The following CEP290 variants were observed in gnomAD, a reference collection of about 807,000 sequenced individuals.
The protein encoded by CEP290 is centrosomal protein of 290 kDa.
Under a neutral mutation model 344.9 loss-of-function variants are expected in CEP290, and 317 were observed. The ratio of observed to expected loss-of-function variants is 0.92; its 90% CI spans 0.84 to 1.01. CEP290 has a LOEUF of 1.01. CEP290 is among the 50% of genes least tolerant of loss of function. CEP290 has a pLI of 0.00. For synonymous variants in CEP290, 932 were observed against 895.8 expected, an observed-to-expected ratio of 1.04 and a Z score of -0.72; for missense variants, 2,754 against 2,761.4, an observed-to-expected ratio of 1.00 and a Z score of 0.06.
At chr12:88,085,852 G>A (rs2036537165) in intron 34 of CEP290, among the ~76,000 whole-genome samples, 187 bp downstream of exon 34, 1 of 151,974 alleles carries the variant, frequency 6.6e-6, no homozygotes. Context: ...ATTAAATAGT[G>A]AATTCAAATT....
intron 41 of CEP290, 100 bp from the exon 42 acceptor site, chr12:88,072,026 TA>T: frequency 1.8e-6 from 2 of 1,086,782 alleles, no homozygotes; most frequent in South Asian, 1.9e-5. Context: ...TGTAAACTAA[TA>T]TTTCCTAGAG....
Position 88,090,917 on chromosome 12 carries a change from C to G in CEP290, c.3462-78G>C. On this transcript the variant is annotated intron_variant, in intron 29 of 53. Coordinates refer to ENST00000552810, the MANE Select transcript of CEP290 (RefSeq NM_025114.4). ...TGCCAAAATTCAAAATTTCTAGACC[C>G]TTTTTCAAAAAGCCATTCGTTTTCA... 3 of 798,644 alleles carry G rather than the reference C, an allele frequency of 3.8e-6. No individual in the cohort carries two copies. The South Asian group carries it at 5.5e-5, about 15-fold the overall frequency. The allele number at this position is 798,644 out of a possible 1,614,324, so 49.5% of individuals were successfully genotyped here.
intron 47 of CEP290, 77 bp from the exon 48 acceptor site, chr12:88,060,097 A>G (rs1315364106): frequency 1.2e-5 from 15 of 1,224,370 alleles, no homozygotes; most frequent in Non-Finnish European, 1.7e-5. Flanking sequence ...TAAACTCATA[A>G]ATCTTCAAAG....
chr12:88,098,101 G>A (rs931727260), intron 26 of CEP290, among the ~76,000 whole-genome samples: 1 of 151,760 alleles, frequency 6.6e-6, no homozygotes. Context: ...GAGGTCAGGA[G>A]TTCGAGACAA....
At chr12:88,073,972 T>C (rs1181435669) in intron 41 of CEP290, among the ~76,000 whole-genome samples, 1 of 152,034 alleles carries the variant, frequency 6.6e-6, no homozygotes, top group African/African-American at 2.4e-5. Context: ...ATACCTGTAA[T>C]CCAGCACTTT....
chr12:88,049,507 A>C (rs2033269678), intron 53 of CEP290, 93 bp from the exon 54 acceptor site: 1 of 707,664 alleles, frequency 1.4e-6, no homozygotes, highest in East Asian at 2.7e-5. Context: ...TGAAAGCCAA[A>C]GTATTCCTGA....
chr12:88,092,321 T>C (rs1328747392), intron 29 of CEP290, among the ~76,000 whole-genome samples: 1 of 152,156 alleles, frequency 6.6e-6, no homozygotes, highest in Non-Finnish European at 1.5e-5. Flanking sequence ...GAAGAGGTAC[T>C]ATTACTCCCT....
chr12:88,120,786 C>T (rs1471861002), intron 14 of CEP290, among the ~76,000 whole-genome samples: 6 of 152,070 alleles, frequency 3.9e-5, no homozygotes, highest in Non-Finnish European at 7.4e-5. Flanking sequence ...ATTATTTGGA[C>T]AAATCACTGT....
At chr12:88,124,022 G>A (rs867218210) in intron 13 of CEP290, among the ~76,000 whole-genome samples, 1 of 151,972 alleles carries the variant, frequency 6.6e-6, no homozygotes, top group African/African-American at 2.4e-5. Flanking sequence ...CTACCACCAT[G>A]CCCCAAACCA....
chr12:88,080,267 GCTT>G lies in CEP290; in HGVS notation c.5138_5140del (p.Glu1713del). Reference sequence around the variant, plus strand: ...TGTAGTTGTTGGAGCTCTTGAATTTGCTTCTTTTTGAGCCTGAAGTTCAGATTT... The same window carrying G: ...TGTAGTTGTTGGAGCTCTTGAATTTGCTTTTTGAGCCTGAAGTTCAGATTT... On this transcript the variant is annotated inframe_deletion, in exon 38 of 54. Coordinates refer to ENST00000552810, the MANE Select transcript of CEP290 (RefSeq NM_025114.4). 1 of 1,613,376 alleles carries G rather than the reference GCTT, an allele frequency of 6.2e-7. No individual in the cohort carries two copies. The highest frequency in any genetic ancestry group is 8.5e-7 in the Non-Finnish European group (1 of 1,179,688).
intron 27 of CEP290, among the ~76,000 whole-genome samples, chr12:88,094,371 A>G (rs2037277444): frequency 6.6e-6 from 1 of 152,128 alleles, no homozygotes; most frequent in Non-Finnish European, 1.5e-5. Context: ...TGTGAATATA[A>G]GTGCAATGAC....
chr12:88,092,083 G>A (rs917429283), intron 29 of CEP290, among the ~76,000 whole-genome samples: 10 of 151,934 alleles, frequency 6.6e-5, no homozygotes, highest in African/African-American at 2.2e-4. Context: ...CAGCCAGCAC[G>A]CAGTATTTAC....
chr12:88,131,754 C>T (rs2040086579), intron 6 of CEP290, among the ~76,000 whole-genome samples: 1 of 152,022 alleles, frequency 6.6e-6, no homozygotes, highest in Non-Finnish European at 1.5e-5. Flanking sequence ...TTAAAAAGAA[C>T]ACACACACAA....
At position 88,141,018 on chromosome 12, in the gene CEP290, G is replaced by C; in HGVS notation, c.118C>G (p.Leu40Val). 1 of 1,584,274 alleles carries C rather than the reference G, an allele frequency of 6.3e-7. No individual in the cohort carries two copies. Among genetic ancestry groups the C allele is most frequent in the East Asian group, 2.3e-5 (1 of 43,610 alleles). The change falls in exon 3 of 54, where the codon CTA becomes GTA. Residue 40 changes from leucine (L) to valine (V), a missense_variant. By Grantham distance (32) the Leu-to-Val change is conservative. Transcript: ENST00000552810. ...ACATTTTCTTGCTTTTCACTTTTTA[G>C]CTCATTTACTTCCACCTAAGTAAAC... Reference protein sequence around the residue: ...ISLSKVEVNELKSEKQENVIH... With the variant: ...ISLSKVEVNEVKSEKQENVIH...
chr12:88,081,890 G>C (rs1229148406), intron 37 of CEP290, among the ~76,000 whole-genome samples: 1 of 152,118 alleles, frequency 6.6e-6, no homozygotes, highest in Non-Finnish European at 1.5e-5. Context: ...AACATCTCTT[G>C]TACAAAATTT....
chr12:88,114,385 A>G (rs757046636), intron 20 of CEP290, 35 bp downstream of exon 20: 5 of 1,498,682 alleles, frequency 3.3e-6, no homozygotes, highest in Non-Finnish European at 4.5e-6. Flanking sequence ...CTAAAGTGAT[A>G]GGGGAAAAAC....
Position 88,129,002 on chromosome 12 carries a change from T to A in CEP290, c.886A>T (p.Asn296Tyr). ...ACCATAATTGGATCATCTTCTTCAT[T>A]TTTTGATTTCAGAAGATCTGTAAGC... is the stretch of plus-strand genomic sequence containing the variant. ...QELTDLLKSK[N>Y]EEDDPIMVAV... Residue 296 changes from asparagine to tyrosine, a missense_variant, in exon 11 of 54, where the codon AAT (asparagine) becomes TAT (tyrosine). Coordinates refer to ENST00000552810, the MANE Select transcript of CEP290 (RefSeq NM_025114.4). 1 of 1,531,826 alleles carries A rather than the reference T, an allele frequency of 6.5e-7. No homozygotes were observed. The highest frequency in any genetic ancestry group is 2.3e-5 in the Admixed American group (1 of 43,590). The allele number at this position is 1,531,826 out of a possible 1,614,324, so 94.9% of individuals were successfully genotyped here.
In CEP290 at chr12:88,118,713, G is replaced by A; in HGVS notation, c.1553C>T (p.Thr518Ile). The A allele has an allele frequency of 6.2e-7, 1 of 1,612,534 alleles. No individual in the cohort carries two copies. The highest frequency in any genetic ancestry group is 8.5e-7 in the Non-Finnish European group (1 of 1,179,420). Residue 518 changes from threonine to isoleucine, a missense_variant, in exon 16 of 54, where the codon ACT becomes ATT. Coordinates refer to ENST00000552810, the MANE Select transcript of CEP290 (RefSeq NM_025114.4). ...GLEPKTMIDLTEFRNSKHLKQ... is the reference protein window; with the variant it reads ...GLEPKTMIDLIEFRNSKHLKQ... ...TAAGTGTTTGCTATTTCTAAATTCA[G>A]TTAAATCAATCATTGTCTTTGGTTC...
chr12:88,068,499 A>G, intron 44 of CEP290, 23 bp downstream of exon 44: 1 of 1,386,126 alleles, frequency 7.2e-7, no homozygotes, highest in East Asian at 2.8e-5. Flanking sequence ...AAAAGAAAAA[A>G]ATAATAAAAG....
Sources: allele counts gnomAD v4.1 joint callset (sites outside exome capture counted in the v4.1 genomes callset), GRCh38; gene constraint gnomAD v4.1.1; transcripts MANE v1.5; gene names NCBI Gene and HGNC (gene_info 2026-07-23, HGNC 2026-07-21).